The following ROBO2 variants were observed in gnomAD, a reference collection of about 807,000 sequenced individuals.
ROBO2 encodes the protein roundabout guidance receptor 2, also known as roundabout homolog 2.
A neutral mutation model predicts 160.8 loss-of-function variants in ROBO2; 53 were observed. That is an observed-to-expected ratio of 0.33 (90% confidence interval 0.26 to 0.41). The LOEUF is 0.41. Ranked by LOEUF, ROBO2 falls within the 10% of genes least tolerant of loss-of-function variation. The probability of loss-of-function intolerance (pLI) is 1.00; values close to 1 mark genes in which losing one functional copy is unlikely to be tolerated. For synonymous variants in ROBO2, 664 were observed against 611.7 expected (o/e 1.09, Z -1.26); for missense variants, 1,577 against 1,722.4 (o/e 0.92, Z 1.49).
At chr3:76,070,366 A>G (rs1269796596) in intron 2 of ROBO2, among the ~76,000 whole-genome samples, 1 of 152,132 alleles carries the variant, frequency 6.6e-6, no homozygotes, top group Non-Finnish European at 1.5e-5. Context: ...TATGTTCGAC[A>G]TTGCAGAGAT....
chr3:77,091,698 G>A (rs1029953453), intron 1 of ROBO2, among the ~76,000 whole-genome samples: 4 of 152,150 alleles, frequency 2.6e-5, no homozygotes, highest in Non-Finnish European at 5.9e-5. Context: ...GAATCTGGTG[G>A]CCAGGTAAGG....
chr3:75,979,424 G>T (rs1410092454), intron 2 of ROBO2, among the ~76,000 whole-genome samples: 2 of 151,434 alleles, frequency 1.3e-5, no homozygotes, highest in Admixed American at 6.6e-5. Flanking sequence ...GAGAGAATAG[G>T]ATCAGCCCAA....
At chr3:76,315,324 T>C (rs1334873749) in intron 2 of ROBO2, among the ~76,000 whole-genome samples, 2 of 152,214 alleles carry the variant, frequency 1.3e-5, no homozygotes, top group Non-Finnish European at 2.9e-5. Flanking sequence ...AGCCATACTT[T>C]TTTTCTGTAA....
At position 77,627,667 on chromosome 3, in the gene ROBO2, C is replaced by T. The variant is rs189578714; in HGVS notation, c.3760+5235C>T. Among the ~76,000 whole-genome samples the T allele has an allele frequency of 1.2e-4, 18 of 152,226 alleles. No homozygotes were observed. In the East Asian group the frequency reaches 2.1e-3, roughly 18 times the overall value. ...TCTGTAGATTTGACATGTTTTTCTA[C>T]GTGTAGGCAAAGGTCAATATTTGGA... is the stretch of plus-strand genomic sequence containing the variant. On this transcript the variant is annotated intron_variant, in intron 23 of 25. Transcript: ENST00000461745.
At chr3:76,552,503 ATAAT>A (rs1200402498) in intron 2 of ROBO2, among the ~76,000 whole-genome samples, 3 of 152,232 alleles carry the variant, frequency 2.0e-5, no homozygotes, top group Admixed American at 2.0e-4. Context: ...TCTTTTTCAT[ATAAT>A]TAATATGCCA....
chr3:77,070,699 G>T (rs369189245), intron 1 of ROBO2, among the ~76,000 whole-genome samples: 1 of 152,122 alleles, frequency 6.6e-6, no homozygotes, highest in East Asian at 1.9e-4. Flanking sequence ...AGGGTATTGT[G>T]GATCCCAGTT....
At chr3:77,509,668 G>C (rs974252414) in intron 5 of ROBO2, among the ~76,000 whole-genome samples, 1 of 152,042 alleles carries the variant, frequency 6.6e-6, no homozygotes. Context: ...GATGTCCCCA[G>C]TGTCTCCATT....
intron 2 of ROBO2, among the ~76,000 whole-genome samples, chr3:75,966,795 C>T (rs1949132486): frequency 2.0e-5 from 3 of 151,684 alleles, no homozygotes; most frequent in South Asian, 2.1e-4. Flanking sequence ...GCTATATTTA[C>T]AATCACTATT....
At chr3:77,201,662 C>A (rs543655498) in intron 2 of ROBO2, among the ~76,000 whole-genome samples, 1 of 152,052 alleles carries the variant, frequency 6.6e-6, no homozygotes, top group Non-Finnish European at 1.5e-5. Context: ...TGCAATAGGG[C>A]ATTTATTTCT....
At chr3:77,040,214 G>C (rs1182277132) in exon 1 of ROBO2, 3 of 986,560 alleles carry the variant, frequency 3.0e-6, no homozygotes, top group South Asian at 4.7e-5. Context: ...CGCCAAGTCT[G>C]CCCGCCTGCA....
intron 2 of ROBO2, among the ~76,000 whole-genome samples, chr3:76,245,570 T>G (rs1478112026): frequency 1.3e-5 from 2 of 152,232 alleles, no homozygotes; most frequent in Non-Finnish European, 2.9e-5. Context: ...TATCTTTCTC[T>G]TATTTGATGA....
intron 4 of ROBO2, among the ~76,000 whole-genome samples, chr3:77,483,279 A>G (rs1219789238): frequency 6.6e-6 from 1 of 152,040 alleles, no homozygotes. Context: ...CAAAAAAAAC[A>G]AAGTGATGGT....
At chr3:76,885,287 A>G (rs2148776519) in intron 2 of ROBO2, among the ~76,000 whole-genome samples, 1 of 152,320 alleles carries the variant, frequency 6.6e-6, no homozygotes, top group Non-Finnish European at 1.5e-5. Flanking sequence ...CATGCAATAC[A>G]GTATAATCTT....
At chr3:77,603,494 T>C (rs768348483) in intron 20 of ROBO2, among the ~76,000 whole-genome samples, 44 of 152,130 alleles carry the variant, frequency 2.9e-4, no homozygotes, top group Non-Finnish European at 5.4e-4. Flanking sequence ...TACCATATAA[T>C]AGGATTTTTT....
At chr3:77,477,435 A>G (rs1341914166) in exon 3 of ROBO2, 1 of 1,613,930 alleles carries the variant, frequency 6.2e-7, no homozygotes, top group Admixed American at 1.7e-5. Flanking sequence ...GACTTCCGAC[A>G]AAACCCCACA....
At chr3:77,497,461 T>G (rs187550245) in intron 5 of ROBO2, among the ~76,000 whole-genome samples, 1 of 152,270 alleles carries the variant, frequency 6.6e-6, no homozygotes. Context: ...TAATGCTCAT[T>G]GCAAGTTTGA....
At chr3:76,654,159 C>A (rs189889394) in intron 2 of ROBO2, among the ~76,000 whole-genome samples, 1 of 152,036 alleles carries the variant, frequency 6.6e-6, no homozygotes, top group Admixed American at 6.6e-5. Flanking sequence ...GAACCCTTTG[C>A]GTTATGTGTG....
chr3:76,710,078 G>A (rs2093258372), intron 2 of ROBO2, among the ~76,000 whole-genome samples: 1 of 151,904 alleles, frequency 6.6e-6, no homozygotes, highest in Admixed American at 6.6e-5. Context: ...AAGGAAAGTG[G>A]CTGAGGCCTG....
intron 2 of ROBO2, among the ~76,000 whole-genome samples, chr3:76,425,918 T>G (rs921000605): frequency 6.6e-6 from 1 of 152,192 alleles, no homozygotes; most frequent in Non-Finnish European, 1.5e-5. Context: ...TATGAGTTTT[T>G]AGTCACAGTT....
Sources: allele counts gnomAD v4.1 joint callset (sites outside exome capture counted in the v4.1 genomes callset), GRCh38; gene constraint gnomAD v4.1.1; transcripts MANE v1.5; gene names NCBI Gene and HGNC (gene_info 2026-07-23, HGNC 2026-07-21).